MED13L: variants seen among roughly 807,000 people sequenced by gnomAD.
MED13L encodes mediator complex subunit 13L.
Under a neutral mutation model 220.9 loss-of-function variants are expected in MED13L, and 7 were observed. The observed-to-expected ratio is 0.03, with a 90% CI of 0.02 to 0.06. MED13L has a LOEUF of 0.06. Ranked by LOEUF, MED13L falls within the 10% of genes least tolerant of loss-of-function variation. The pLI is 1.00. For missense variants in MED13L, 1,965 were observed against 2,760.5 expected (o/e 0.71, Z 6.46); for synonymous variants, 1,011 against 1,015.2 (o/e 1.00, Z 0.08).
chr12:116,232,310 T>TA (rs1255649302), intron 2 of MED13L, among the ~76,000 whole-genome samples: 2 of 152,236 alleles, frequency 1.3e-5, no homozygotes, highest in Non-Finnish European at 2.9e-5. Flanking sequence ...GATGTATCCT[T>TA]AATTTATATG....
At chr12:116,264,004 G>A (rs899903416) in intron 1 of MED13L, among the ~76,000 whole-genome samples, 5 of 152,158 alleles carry the variant, frequency 3.3e-5, no homozygotes. Context: ...CATCCACAAC[G>A]TATGTATGCC....
chr12:116,151,224 T>C (rs1878012406), intron 2 of MED13L, among the ~76,000 whole-genome samples: 4 of 152,190 alleles, frequency 2.6e-5, no homozygotes, highest in African/African-American at 9.7e-5. Context: ...ATTTCTGTTA[T>C]TGAAAATAAA....
intron 4 of MED13L, among the ~76,000 whole-genome samples, chr12:116,049,955 T>C (rs186747907): frequency 1.9e-4 from 29 of 152,334 alleles, no homozygotes; most frequent in African/African-American, 7.0e-4. Context: ...AAAACACGTA[T>C]GTACTACGTT....
intron 2 of MED13L, among the ~76,000 whole-genome samples, chr12:116,126,424 T>C (rs1430282825): frequency 6.6e-6 from 1 of 152,156 alleles, no homozygotes; most frequent in Non-Finnish European, 1.5e-5. Flanking sequence ...TGCAGTGGTT[T>C]CTTCCTGTGG....
chr12:116,070,617 T>A (rs537309342), intron 4 of MED13L, among the ~76,000 whole-genome samples: 1 of 152,108 alleles, frequency 6.6e-6, no homozygotes, highest in African/African-American at 2.4e-5. Flanking sequence ...GCACCTAACA[T>A]AGTGATGAAA....
At chr12:116,136,924 A>C (rs1426446114) in intron 2 of MED13L, among the ~76,000 whole-genome samples, 1 of 152,216 alleles carries the variant, frequency 6.6e-6, no homozygotes, top group Non-Finnish European at 1.5e-5. Flanking sequence ...GGTGAACCAC[A>C]CCAATTATTT....
chr12:116,230,486 T>C, intron 2 of MED13L: 1 of 984,656 alleles, frequency 1.0e-6, no homozygotes. Context: ...ACAATGCTGC[T>C]GCAAAATGGT....
rs963870715 is a variant in MED13L, at chr12:116,067,777, T to C, written c.479+28892A>G. Among the ~76,000 whole-genome samples, 7 of 152,138 alleles carry C rather than the reference T, an allele frequency of 4.6e-5. 1 individual carries two copies. Among genetic ancestry groups the C allele is most frequent in the African/African-American group, 1.4e-4 (6 of 41,432 alleles). On this transcript the variant is annotated intron_variant, in intron 4 of 30. Transcript: ENST00000281928. ...CACTTGCGTATTCTCATCTATAAAA[T>C]GAACATAACAATCCTTACTTCACAG...
chr12:116,053,412 G>A (rs1368898177), intron 4 of MED13L, among the ~76,000 whole-genome samples: 2 of 152,194 alleles, frequency 1.3e-5, no homozygotes, highest in Non-Finnish European at 2.9e-5. Flanking sequence ...GCACTGTGGA[G>A]GAGTTAGGAC....
chr12:116,162,294 A>G (rs1454629867), intron 2 of MED13L, among the ~76,000 whole-genome samples: 4 of 152,192 alleles, frequency 2.6e-5, no homozygotes, highest in Non-Finnish European at 5.9e-5. Flanking sequence ...ACAAAACCCA[A>G]TAGTCTGCCA....
chr12:116,029,671 C>T (rs79918023), intron 4 of MED13L, among the ~76,000 whole-genome samples: 122 of 152,152 alleles, frequency 8.0e-4, no homozygotes, highest in African/African-American at 2.4e-3. Flanking sequence ...TAAAGAGAAA[C>T]TCAAGAAGAA....
intron 14 of MED13L, among the ~76,000 whole-genome samples, chr12:115,998,682 G>C (rs1422164517): frequency 6.6e-6 from 1 of 152,192 alleles, no homozygotes; most frequent in Non-Finnish European, 1.5e-5. Context: ...TCTTTACCGT[G>C]TTTCTAAGTG....
At chr12:116,231,358 A>G (rs1195840695) in intron 2 of MED13L, among the ~76,000 whole-genome samples, 1 of 152,172 alleles carries the variant, frequency 6.6e-6, no homozygotes, top group Admixed American at 6.5e-5. Flanking sequence ...TGGAAAGGAC[A>G]CAACATCACC....
Position 116,150,419 on chromosome 12 carries a change from T to C in MED13L, c.311-38907A>G, listed in dbSNP as rs113884618. 5.1e-4 allele frequency among the ~76,000 whole-genome samples: 78 copies of C among 152,356 alleles called. 1 individual carries two copies. The highest frequency in any genetic ancestry group is 1.8e-3 in the African/African-American group (76 of 41,588). ...TCATTTCTACTCTTCTTGTTACATC[T>C]AGATCTTGTCATAATTTAGTAAACT... is the stretch of plus-strand genomic sequence containing the variant. On this transcript the variant is annotated intron_variant, in intron 2 of 30. Coordinates refer to ENST00000281928, the MANE Select transcript of MED13L (RefSeq NM_015335.5).
chr12:115,995,613 A>C (rs1377970688), intron 16 of MED13L, among the ~76,000 whole-genome samples: 3 of 152,084 alleles, frequency 2.0e-5, no homozygotes, highest in Non-Finnish European at 4.4e-5. Flanking sequence ...TTGTAGAGAC[A>C]GGGTTTCGCC....
At chr12:116,102,933 G>T (rs1045446294) in intron 3 of MED13L, among the ~76,000 whole-genome samples, 1 of 151,724 alleles carries the variant, frequency 6.6e-6, no homozygotes, top group African/African-American at 2.4e-5. Context: ...GGTCAGGCTG[G>T]TCTTGAACTC....
intron 4 of MED13L, among the ~76,000 whole-genome samples, chr12:116,090,906 C>T (rs1187262007): frequency 1.3e-5 from 2 of 152,066 alleles, no homozygotes; most frequent in Non-Finnish European, 1.5e-5. Context: ...AGGTGGATCA[C>T]GTGAGGTCAA....
chr12:116,029,283 G>A (rs1054808799), intron 4 of MED13L, among the ~76,000 whole-genome samples: 1 of 149,744 alleles, frequency 6.7e-6, no homozygotes, highest in African/African-American at 2.4e-5. Flanking sequence ...CATTTAAACT[G>A]AGGTTTAAAT....
chr12:116,241,957 G>A (rs938328523), intron 1 of MED13L, among the ~76,000 whole-genome samples: 1 of 151,516 alleles, frequency 6.6e-6, no homozygotes, highest in Non-Finnish European at 1.5e-5. Context: ...AATTCCCATC[G>A]TGGATGTTTA....
Sources: gnomAD v4.1 joint callset for allele counts (sites outside exome capture counted in the v4.1 genomes callset) on GRCh38, gnomAD v4.1.1 for gene constraint, MANE v1.5 for transcripts, NCBI Gene and HGNC (gene_info 2026-07-23, HGNC 2026-07-21) for gene names.